The following CD101 variants were observed in gnomAD, a reference collection of about 807,000 sequenced individuals.
The protein encoded by CD101 is immunoglobulin superfamily member 2.
CD101 carries 76 observed loss-of-function variants against 98.2 expected under a neutral mutation model. That is an observed-to-expected ratio of 0.77 (90% CI 0.64 to 0.94). The LOEUF is 0.94. Ranked by LOEUF, CD101 falls within the 40% of genes least tolerant of loss-of-function variation. The pLI, the probability that CD101 is intolerant of heterozygous loss-of-function variation, is 0.00. For missense variants in CD101, 1,145 were observed against 1,218.8 expected, an observed-to-expected ratio of 0.94 and a Z score of 0.90; for synonymous variants, 471 against 472.7, an observed-to-expected ratio of 1.00 and a Z score of 0.05.
rs200228819 is a variant in CD101 at position 117,021,869 on chromosome 1, G to A, written c.2314G>A (p.Asp772Asn). 271 of 1,614,056 alleles carry A rather than the reference G, an allele frequency of 1.7e-4. 1 individual carries two copies. The highest frequency in any genetic ancestry group is 1.3e-3 in the Middle Eastern group (8 of 6,084). The change falls in exon 7 of 10, where the codon GAT (aspartate) becomes AAT (asparagine). Residue 772 changes from aspartate to asparagine, a missense_variant. Physicochemically the swap from Asp to Asn is conservative, Grantham distance 23. Coordinates refer to ENST00000682167, the MANE Select transcript of CD101 (RefSeq NM_001256106.3). This position sits in a 1 kb window ranked among gnomAD's most constrained non-coding sequence, Gnocchi z 4.7. ...GCACATTCTGAATGTGGAAGACAGC[G>A]ATCGGGGCAAATATCACTGTGCTGT... ...QLHILNVEDS[D>N]RGKYHCAVEE...
chr1:117,018,801 T>A lies in CD101; in HGVS notation c.2017+241T>A, dbSNP rs761913224. Among the ~76,000 whole-genome samples the A allele has an allele frequency of 6.6e-6, 1 of 151,972 alleles. No individual in the cohort carries two copies. Among genetic ancestry groups the A allele is most frequent in the Non-Finnish European group, 1.5e-5 (1 of 68,020 alleles). On this transcript the variant is annotated intron_variant, in intron 6 of 9. Transcript: ENST00000682167. The surrounding 1 kb of genome is among the most constrained non-coding windows in gnomAD (Gnocchi z 4.3). The stretch of plus-strand genomic sequence containing the variant: ...TGGCTAATTGCTGCTCTCTACCCAT[T>A]CCCCATTTTCCCCTAAGTTCCCACC...
intron 8 of CD101, 120 bp downstream of exon 8, chr1:117,026,024 T>C (rs962406045): frequency 1.3e-5 from 14 of 1,094,530 alleles, no homozygotes; most frequent in South Asian, 1.7e-5. Context: ...CTGAAGACAA[T>C]TTTCAGGTTC....
chr1:117,022,746 A>G lies in CD101; in HGVS notation c.2428+763A>G, dbSNP rs565278392. Among the ~76,000 whole-genome samples, 1 of 152,326 alleles carries G rather than the reference A, an allele frequency of 6.6e-6. No homozygotes were observed. Among genetic ancestry groups the G allele is most frequent in the African/African-American group, 2.4e-5 (1 of 41,578 alleles). ...AACGCTAAAAAAAAATTAGATGATA[A>G]TTGAGCATTACTATGTGTTAGGCAG... On this transcript the variant is annotated intron_variant, in intron 7 of 9. Transcript: ENST00000682167. This position sits in a 1 kb window ranked among gnomAD's most constrained non-coding sequence, Gnocchi z 4.8.
intron 4 of CD101, among the ~76,000 whole-genome samples, chr1:117,015,755 G>T (rs1422696920): frequency 6.6e-6 from 1 of 152,146 alleles, no homozygotes; most frequent in Non-Finnish European, 1.5e-5. Flanking sequence ...AGCCATCCAG[G>T]CTAAGCTCTT....
chr1:117,010,750 C>G lies in CD101; in HGVS notation c.424+520C>G, dbSNP rs1652838744. On this transcript the variant is annotated intron_variant, in intron 2 of 9. Coordinates refer to ENST00000682167, the MANE Select transcript of CD101 (RefSeq NM_001256106.3). The surrounding 1 kb of genome is among the most constrained non-coding windows in gnomAD (Gnocchi z 5.2). ...CCCTTTTCAGCTTAACAAACTCCTA[C>G]ATATACTTCAGGACCCAGTTTAGAT... 6.6e-6 allele frequency among the ~76,000 whole-genome samples: 1 copy of G among 152,236 alleles called. No homozygotes were observed. The highest frequency in any genetic ancestry group is 2.1e-4 in the South Asian group (1 of 4,838).
rs1382642310 is a variant in CD101 at position 117,006,864 on chromosome 1, C to T, written c.44-2986C>T. ...CATCTTCATATCTTAGTCCCTCAAG[C>T]ATGAGAAATACTATAAGTGGTTGAA... On this transcript the variant is annotated intron_variant, in intron 1 of 9. Transcript: ENST00000682167. This position sits in a 1 kb window ranked among gnomAD's most constrained non-coding sequence, Gnocchi z 4.4. 6.6e-6 allele frequency among the ~76,000 whole-genome samples: 1 copy of T among 152,160 alleles called. No individual in the cohort carries two copies. The highest frequency in any genetic ancestry group is 1.5e-5 in the Non-Finnish European group (1 of 68,038).
chr1:117,014,474 G>A lies in CD101; in HGVS notation c.1228+682G>A, dbSNP rs577596648. Among the ~76,000 whole-genome samples the A allele has an allele frequency of 2.8e-4, 42 of 152,138 alleles. No individual in the cohort carries two copies. The South Asian group carries it at 7.7e-3, about 28-fold the overall frequency. Reference sequence around the variant, plus strand: ...TTTTGCTGTGATGTGGTGAGACGCCGGTCCAAATGGTTCTGAATGTCTGCA... The same window carrying A: ...TTTTGCTGTGATGTGGTGAGACGCCAGTCCAAATGGTTCTGAATGTCTGCA... On this transcript the variant is annotated intron_variant, in intron 4 of 9. Transcript: ENST00000682167.
chr1:117,009,855 C>T lies in CD101; in HGVS notation c.49C>T (p.Leu17Phe). ...TTCTTTCTCCTACTTACAAGCTAAG[C>T]TCAGCATTGGCCAGAGAGAAGTAAC... ...VASFFLLLTK[L>F]SIGQREVTVQ... The change falls in exon 2 of 10, where the codon CTC becomes TTC. Residue 17 changes from leucine (L) to phenylalanine (F), a missense_variant. Leu to Phe is a conservative substitution (Grantham distance 22, BLOSUM62 0). Transcript: ENST00000682167. 6.3e-7 allele frequency: 1 copy of T among 1,595,950 alleles called. No homozygotes were observed. Among genetic ancestry groups the T allele is most frequent in the Non-Finnish European group, 8.6e-7 (1 of 1,166,298 alleles).
chr1:117,031,269 C>T (rs1418313305), intron 8 of CD101, among the ~76,000 whole-genome samples: 1 of 152,208 alleles, frequency 6.6e-6, no homozygotes, highest in Admixed American at 6.5e-5. Context: ...CCAAGATAGC[C>T]AAGCCCTCTG....
intron 5 of CD101, 91 bp downstream of exon 5, chr1:117,017,564 A>G: frequency 7.5e-7 from 1 of 1,332,916 alleles, no homozygotes; most frequent in Non-Finnish European, 1.0e-6. Flanking sequence ...TGAATCCCCC[A>G]GTGATGGTAT....
In CD101 at chr1:117,022,101, C is replaced by T; in HGVS notation, c.2428+118C>T. On this transcript the variant is annotated intron_variant, in intron 7 of 9. Transcript: ENST00000682167. The surrounding 1 kb of genome is among the most constrained non-coding windows in gnomAD (Gnocchi z 4.8). ...AAAATATGACCTAAAGTCATAGGAA[C>T]AGTATCTACCTACACATGACTGCAA... The T allele has an allele frequency of 9.0e-7, 1 of 1,112,228 alleles. No individual in the cohort carries two copies. The highest frequency in any genetic ancestry group is 1.3e-6 in the Non-Finnish European group (1 of 776,628). The allele number at this position is 1,112,228 out of a possible 1,614,324, so 68.9% of individuals were successfully genotyped here.
intron 8 of CD101, among the ~76,000 whole-genome samples, chr1:117,029,238 AAAG>A (rs780799674): frequency 6.4e-5 from 9 of 139,572 alleles, no homozygotes; most frequent in African/African-American, 2.8e-4. Flanking sequence ...AGAAAGAAAG[AAAG>A]AAAGAAAGAA....
chr1:117,019,058 T>C lies in CD101; in HGVS notation c.2017+498T>C, dbSNP rs564020772. 1.3e-5 allele frequency among the ~76,000 whole-genome samples: 2 copies of C among 152,358 alleles called. No homozygotes were observed. Among genetic ancestry groups the C allele is most frequent in the Non-Finnish European group, 2.9e-5 (2 of 68,034 alleles). On this transcript the variant is annotated intron_variant, in intron 6 of 9. Coordinates refer to ENST00000682167, the MANE Select transcript of CD101 (RefSeq NM_001256106.3). This position sits in a 1 kb window ranked among gnomAD's most constrained non-coding sequence, Gnocchi z 4.3. The stretch of plus-strand genomic sequence containing the variant: ...GAGAATTTATTATTACAATCAAATA[T>C]AATCCATCTCATCAACTGATAATAG...
At chr1:117,009,404 G>T (rs1442053240) in intron 1 of CD101, among the ~76,000 whole-genome samples, 1 of 152,254 alleles carries the variant, frequency 6.6e-6, no homozygotes, top group Non-Finnish European at 1.5e-5. Context: ...GGCACCAAGG[G>T]CAGAGCCCTA....
intron 8 of CD101, among the ~76,000 whole-genome samples, chr1:117,027,070 C>A (rs1302237750): frequency 6.6e-6 from 1 of 152,128 alleles, no homozygotes; most frequent in Non-Finnish European, 1.5e-5. Context: ...TTGCTGTGAG[C>A]CTCAGCTTTC....
intron 2 of CD101, among the ~76,000 whole-genome samples, chr1:117,011,215 G>C (rs922134441): frequency 3.3e-5 from 5 of 152,186 alleles, no homozygotes; most frequent in African/African-American, 7.2e-5. Flanking sequence ...ATGGATTTAG[G>C]ATCAGAATCT....
At chr1:117,008,940 A>G in intron 1 of CD101, among the ~76,000 whole-genome samples, 1 of 152,184 alleles carries the variant, frequency 6.6e-6, no homozygotes, top group East Asian at 1.9e-4. Flanking sequence ...CTCTTGTGGC[A>G]TGTCTTTGTT....
At position 117,027,663 on chromosome 1, in the gene CD101, C is replaced by T. The variant is rs555078512; in HGVS notation, c.2824+1759C>T. Among the ~76,000 whole-genome samples the T allele has an allele frequency of 7.9e-5, 12 of 152,132 alleles. No individual in the cohort carries two copies. The East Asian group carries it at 2.3e-3, about 29-fold the overall frequency. On this transcript the variant is annotated intron_variant, in intron 8 of 9. Coordinates refer to ENST00000682167, the MANE Select transcript of CD101 (RefSeq NM_001256106.3). ...GAGGGAAAGGAACAGATGATAGATC[C>T]CAAATGTGTCTAGAGTATGAAGCTA...
Position 117,022,318 on chromosome 1 carries a change from T to C in CD101, c.2428+335T>C, listed in dbSNP as rs1352426397. Among the ~76,000 whole-genome samples the C allele has an allele frequency of 6.6e-6, 1 of 152,214 alleles. No homozygotes were observed. The highest frequency in any genetic ancestry group is 1.5e-5 in the Non-Finnish European group (1 of 68,048). ...AAGCTGTGTCATTCCAGTGGGGCTC[T>C]ACTGTAATTTGGCAGAGAAAGAGTA... On this transcript the variant is annotated intron_variant, in intron 7 of 9. Transcript: ENST00000682167. This position sits in a 1 kb window ranked among gnomAD's most constrained non-coding sequence, Gnocchi z 4.8.
Sources: gnomAD v4.1 joint callset for allele counts (sites outside exome capture counted in the v4.1 genomes callset) on GRCh38, gnomAD v4.1.1 for gene constraint, Gnocchi (gnomAD v3.1) non-coding constraint, MANE v1.5 for transcripts, NCBI Gene and HGNC (gene_info 2026-07-23, HGNC 2026-07-21) for gene names.